The following LRRC37A3 variants were observed in gnomAD, a reference collection of about 807,000 sequenced individuals.
The protein encoded by LRRC37A3 is leucine rich repeat containing 37 member A3.
LRRC37A3 carries 25 observed loss-of-function variants against 106.2 expected under a neutral mutation model. The ratio of observed to expected loss-of-function variants is 0.24; its 90% CI spans 0.17 to 0.33. The LOEUF (loss-of-function observed/expected upper bound fraction) is 0.33. Among genes scored for constraint, LRRC37A3 ranks in the 10% least tolerant of loss-of-function variants. LRRC37A3 has a pLI of 1.00. For missense variants in LRRC37A3, 712 were observed against 1,644.9 expected (o/e 0.43, Z 9.81); for synonymous variants, 305 against 635.8 (o/e 0.48, Z 7.83).
At chr17:64,914,840 G>T (rs536888964) in intron 2 of LRRC37A3, among the ~76,000 whole-genome samples, 1 of 148,106 alleles carries the variant, frequency 6.8e-6, no homozygotes, top group Admixed American at 6.8e-5. Flanking sequence ...CAGCAACATG[G>T]ATAGAACTGG....
chr17:64,909,101 A>C (rs1974526782), intron 2 of LRRC37A3, among the ~76,000 whole-genome samples: 1 of 152,168 alleles, frequency 6.6e-6, no homozygotes, highest in Admixed American at 6.5e-5. Flanking sequence ...AACAATTCCC[A>C]GGTTGTGCTG....
chr17:64,867,129 T>G (rs1423929358), intron 10 of LRRC37A3, among the ~76,000 whole-genome samples: 8 of 151,374 alleles, frequency 5.3e-5, no homozygotes, highest in Non-Finnish European at 1.0e-4. Flanking sequence ...CACAAGCCAT[T>G]TAAGAAAAAA....
chr17:64,881,367 C>G (rs1598414856), intron 8 of LRRC37A3, among the ~76,000 whole-genome samples: 1 of 146,904 alleles, frequency 6.8e-6, no homozygotes, highest in Non-Finnish European at 1.5e-5. Flanking sequence ...CCTGCCTCAG[C>G]CTTCAGAGTA....
intron 1 of LRRC37A3, 77 bp from the exon 2 acceptor site, chr17:64,918,947 G>A (rs1974766012): frequency 1.9e-6 from 2 of 1,049,936 alleles, no homozygotes; most frequent in Non-Finnish European, 2.4e-6. Context: ...ACGGCCGTCC[G>A]GACCTGCAGC....
intron 2 of LRRC37A3, among the ~76,000 whole-genome samples, chr17:64,915,396 A>C: frequency 6.6e-6 from 1 of 152,200 alleles, no homozygotes; most frequent in Non-Finnish European, 1.5e-5. Flanking sequence ...AATAATCAAA[A>C]CAATATAATT....
At chr17:64,908,882 G>A (rs1337732335) in intron 2 of LRRC37A3, among the ~76,000 whole-genome samples, 1 of 142,046 alleles carries the variant, frequency 7.0e-6, no homozygotes, top group Non-Finnish European at 1.5e-5. Flanking sequence ...GGGCAACACA[G>A]GGATACTCTG....
At chr17:64,918,529 C>A (rs1433243479) in intron 2 of LRRC37A3, among the ~76,000 whole-genome samples, 1 of 152,096 alleles carries the variant, frequency 6.6e-6, no homozygotes, top group East Asian at 1.9e-4. Flanking sequence ...TAAAGTTATT[C>A]CAATCAAAGC....
intron 10 of LRRC37A3, among the ~76,000 whole-genome samples, chr17:64,866,610 ATATATATATATATATATATTTTTTTTTTT>A (rs1973097574): frequency 4.9e-5 from 1 of 20,222 alleles, no homozygotes; most frequent in African/African-American, 2.9e-4. Flanking sequence ...ATATATATAT[ATATATATATATATATATATTTTTTTTTTT>A]TTTTTTTTTT....
rs1192457100 is a variant in LRRC37A3 at position 64,860,899 on chromosome 17, T to C, written c.3247A>G (p.Thr1083Ala). 1.2e-6 allele frequency: 2 copies of C among 1,614,146 alleles called. No homozygotes were observed. Among genetic ancestry groups the C allele is most frequent in the Admixed American group, 1.7e-5 (1 of 60,020 alleles). ...VLQARKNYTS[T>A]ELIIEPEEPS... is the part of the protein sequence containing the mutation. Reference sequence around the variant, plus strand: ...TCCTCCGGCTCAATAATCAGCTCAGTGCTTGTGTAATTCTTCCGGGCTTGT... The same window carrying C: ...TCCTCCGGCTCAATAATCAGCTCAGCGCTTGTGTAATTCTTCCGGGCTTGT... Residue 1083 changes from threonine (T) to alanine (A), a missense_variant, in exon 12 of 15, where the codon ACT (threonine) becomes GCT (alanine). Coordinates refer to ENST00000584306, the MANE Select transcript of LRRC37A3 (RefSeq NM_199340.5).
chr17:64,897,283 C>A lies in LRRC37A3; in HGVS notation c.-26G>T, dbSNP rs781515130. The A allele has an allele frequency of 1.9e-6, 3 of 1,609,936 alleles. No individual in the cohort carries two copies. The Admixed American group carries it at 5.0e-5, about 27-fold the overall frequency. Reference sequence around the variant, plus strand: ...TCTGGCAGCTCCGAGACGCTCGTGCCCCTTGTAAGCATGAGTCCCGCCCTG... The same window carrying A: ...TCTGGCAGCTCCGAGACGCTCGTGCACCTTGTAAGCATGAGTCCCGCCCTG... On this transcript the variant is annotated 5_prime_UTR_variant, in exon 4 of 15. Transcript: ENST00000584306.
Position 64,854,876 on chromosome 17 carries a change from T to A in LRRC37A3, c.4860-232A>T, listed in dbSNP as rs62071394. Among the ~76,000 whole-genome samples, 1,194 of 152,258 alleles carry A rather than the reference T, an allele frequency of 7.8e-3. 9 individuals are homozygous for A. The highest frequency in any genetic ancestry group is 0.012 in the Non-Finnish European group (838 of 68,014). On this transcript the variant is annotated intron_variant, in intron 14 of 14. Transcript: ENST00000584306. ...CTTTAAGCCAGATAGTTTGGCTCATTCCCCAGGCTGGAGTGCAATGGTGCT... is the reference window on the plus strand; with the variant it reads ...CTTTAAGCCAGATAGTTTGGCTCATACCCCAGGCTGGAGTGCAATGGTGCT...
chr17:64,872,357 A>G (rs551323298), intron 8 of LRRC37A3, among the ~76,000 whole-genome samples: 1 of 152,262 alleles, frequency 6.6e-6, no homozygotes, highest in South Asian at 2.1e-4. Context: ...GCCTTAGACC[A>G]TTCCTCACTC....
At chr17:64,879,343 A>G (rs1973614452) in intron 8 of LRRC37A3, among the ~76,000 whole-genome samples, 1 of 150,828 alleles carries the variant, frequency 6.6e-6, no homozygotes, top group Admixed American at 6.6e-5. Context: ...TCAAGTCTCA[A>G]TGTAACACAA....
chr17:64,868,362 A>G, intron 10 of LRRC37A3, 100 bp downstream of exon 10: 1 of 952,522 alleles, frequency 1.0e-6, no homozygotes, highest in South Asian at 1.6e-5. Flanking sequence ...GAATGTTACT[A>G]TATGAAAATT....
chr17:64,867,770 C>A (rs1973166045), intron 10 of LRRC37A3, among the ~76,000 whole-genome samples: 1 of 151,724 alleles, frequency 6.6e-6, no homozygotes, highest in East Asian at 1.9e-4. Flanking sequence ...AGCATAATCT[C>A]AAAAAAAATT....
chr17:64,854,687 G>A (rs1396667499), intron 14 of LRRC37A3, 43 bp from the exon 15 acceptor site: 4 of 1,612,350 alleles, frequency 2.5e-6, no homozygotes. Context: ...TTCTTGAAAG[G>A]AGCAATTAAG....
intron 2 of LRRC37A3, among the ~76,000 whole-genome samples, chr17:64,916,432 A>C: frequency 6.6e-6 from 1 of 152,168 alleles, no homozygotes; most frequent in African/African-American, 2.4e-5. Flanking sequence ...AATAAAATAA[A>C]AGAAGAATAA....
At chr17:64,869,574 T>C (rs1973236717) in intron 8 of LRRC37A3, among the ~76,000 whole-genome samples, 1 of 147,636 alleles carries the variant, frequency 6.8e-6, no homozygotes. Context: ...TCGCTCTTGT[T>C]GCCCAGGCTG....
chr17:64,873,926 T>C (rs1185596005), intron 8 of LRRC37A3, among the ~76,000 whole-genome samples: 1 of 152,102 alleles, frequency 6.6e-6, no homozygotes, highest in African/African-American at 2.4e-5. Context: ...AAAAACAATC[T>C]GCATATTCAA....
Sources: allele counts gnomAD v4.1 joint callset (sites outside exome capture counted in the v4.1 genomes callset), GRCh38; gene constraint gnomAD v4.1.1; transcripts MANE v1.5; gene names NCBI Gene and HGNC (gene_info 2026-07-23, HGNC 2026-07-21).